EEIG2: variants seen among roughly 807,000 people sequenced by gnomAD.
EEIG2 encodes the protein EEIG family member 2, also known as family with sequence similarity 102 member B.
the EEIG2 span, chr1:108,636,016 CT>C: frequency 6.6e-6 from 1 of 152,150 alleles, no homozygotes; most frequent in African/African-American, 2.4e-5. Context: ...ACAGAGAAGC[CT>C]TTTCTATGTA....
At chr1:108,608,117 C>G in the EEIG2 span, among the ~76,000 whole-genome samples, 1 of 152,158 alleles carries the variant, frequency 6.6e-6, no homozygotes, top group African/African-American at 2.4e-5. Context: ...ATCCTTATGC[C>G]TCACACATAC....
At chr1:108,605,741 T>C in the EEIG2 span, among the ~76,000 whole-genome samples, 1 of 152,204 alleles carries the variant, frequency 6.6e-6, no homozygotes, top group African/African-American at 2.4e-5. Context: ...TTGGCCAGCC[T>C]TTTCACATTA....
chr1:108,629,807 T>G, the EEIG2 span: 2 of 687,312 alleles, frequency 2.9e-6, no homozygotes, highest in Admixed American at 4.3e-5. Flanking sequence ...CAGCTCTTAG[T>G]GTAGCTCTCA....
chr1:108,597,966 G>A, the EEIG2 span, among the ~76,000 whole-genome samples: 1 of 152,212 alleles, frequency 6.6e-6, no homozygotes, highest in East Asian at 1.9e-4. Context: ...CTCCTTGTTG[G>A]GAGCTCCGGA....
At chr1:108,616,101 A>G in the EEIG2 span, among the ~76,000 whole-genome samples, 1 of 149,722 alleles carries the variant, frequency 6.7e-6, no homozygotes, top group Non-Finnish European at 1.5e-5. Flanking sequence ...CAGTAATTGA[A>G]TATTGAATAT....
the EEIG2 span, chr1:108,635,340 G>A: frequency 2.5e-5 from 16 of 647,944 alleles, no homozygotes; most frequent in East Asian, 4.5e-4. Context: ...CTACATGGCA[G>A]TCTCCAGGCA....
chr1:108,612,354 A>G, the EEIG2 span: 1 of 1,108,426 alleles, frequency 9.0e-7, no homozygotes, highest in South Asian at 1.4e-5. Context: ...AAATAAGCGT[A>G]TGTATATATT....
chr1:108,572,490 A>C, the EEIG2 span, among the ~76,000 whole-genome samples: 2 of 152,156 alleles, frequency 1.3e-5, no homozygotes, highest in African/African-American at 4.8e-5. Context: ...GGGGTCGGCA[A>C]GTATCTAATA....
chr1:108,628,616 T>A, the EEIG2 span: 7 of 1,571,108 alleles, frequency 4.5e-6, no homozygotes, highest in Non-Finnish European at 6.0e-6. Context: ...TAAATTTTAA[T>A]TTTTAAAAAA....
At chr1:108,597,436 A>G in the EEIG2 span, among the ~76,000 whole-genome samples, 1 of 152,148 alleles carries the variant, frequency 6.6e-6, no homozygotes. Flanking sequence ...CTGTCCAGAG[A>G]TCCTTCTGTT....
chr1:108,623,897 C>T, the EEIG2 span, among the ~76,000 whole-genome samples: 2,074 of 152,146 alleles, frequency 0.014, 57 homozygotes, highest in African/African-American at 0.048. Context: ...GTCTCGAACT[C>T]CTGACCTCAG....
At chr1:108,574,070 TAGCAGCATTATTC>T in the EEIG2 span, among the ~76,000 whole-genome samples, 2 of 152,200 alleles carry the variant, frequency 1.3e-5, no homozygotes, top group African/African-American at 4.8e-5. Context: ...CCCATGTTCA[TAGCAGCATTATTC>T]TAAATAACTG....
At chr1:108,575,192 G>T in the EEIG2 span, among the ~76,000 whole-genome samples, 6 of 152,188 alleles carry the variant, frequency 3.9e-5, no homozygotes, top group African/African-American at 1.4e-4. Context: ...CTTTATTAAA[G>T]TGGTTTTTCA....
chr1:108,620,540 G>A, the EEIG2 span, among the ~76,000 whole-genome samples: 1 of 152,210 alleles, frequency 6.6e-6, no homozygotes, highest in East Asian at 1.9e-4. Flanking sequence ...TGGCATTTGG[G>A]AATGTGGTGG....
At chr1:108,579,772 T>TGTGTGAGAGAGAGAGA in the EEIG2 span, among the ~76,000 whole-genome samples, 471 of 58,850 alleles carry the variant, frequency 8.0e-3, 8 homozygotes, top group African/African-American at 0.022. Flanking sequence ...TGTGTGTGTG[T>TGTGTGAGAGAGAGAGA]GAGAGAGAGA....
chr1:108,628,335 G>A, the EEIG2 span: 24 of 1,610,804 alleles, frequency 1.5e-5, no homozygotes, highest in African/African-American at 6.7e-5. Flanking sequence ...GTGGGGGAAC[G>A]ATGTCAGATT....
At chr1:108,631,379 C>T in the EEIG2 span, among the ~76,000 whole-genome samples, 2 of 152,198 alleles carry the variant, frequency 1.3e-5, no homozygotes, top group Non-Finnish European at 2.9e-5. Context: ...AGTGGTGCAG[C>T]AGAGACTCTG....
the EEIG2 span, among the ~76,000 whole-genome samples, chr1:108,586,327 GTGTGTGTGTGT>G: frequency 1.2e-3 from 17 of 13,968 alleles, no homozygotes; most frequent in African/African-American, 1.6e-3. Flanking sequence ...GTGTGTGTGT[GTGTGTGTGTGT>G]GTGTGTGTGT....
chr1:108,610,756 C>T, the EEIG2 span, among the ~76,000 whole-genome samples: 1 of 152,030 alleles, frequency 6.6e-6, no homozygotes, highest in Non-Finnish European at 1.5e-5. Context: ...CGGTGAAATC[C>T]CATCTCTACT....
Sources: allele counts gnomAD v4.1 joint callset (sites outside exome capture counted in the v4.1 genomes callset), GRCh38; gene constraint gnomAD v4.1.1; transcripts MANE v1.5; gene names NCBI Gene and HGNC (gene_info 2026-07-23, HGNC 2026-07-21).